The following PRKCQ variants were observed in gnomAD, a reference collection of about 807,000 sequenced individuals.
PRKCQ encodes the protein protein kinase C theta type.
In PRKCQ, 41 loss-of-function variants were observed where a neutral mutation model predicts 91.2. That is an observed-to-expected ratio of 0.45 (90% CI 0.35 to 0.58). The LOEUF (loss-of-function observed/expected upper bound fraction) is 0.58. PRKCQ is among the 20% of genes least tolerant of loss of function. The pLI is 0.00. For missense variants in PRKCQ, 673 were observed against 896.5 expected, an observed-to-expected ratio of 0.75 and a Z score of 3.18; for synonymous variants, 307 against 316.9, an observed-to-expected ratio of 0.97 and a Z score of 0.33.
chr10:6,578,777 T>G (rs1564404254), intron 1 of PRKCQ, among the ~76,000 whole-genome samples: 1 of 152,188 alleles, frequency 6.6e-6, no homozygotes, highest in African/African-American at 2.4e-5. Flanking sequence ...TCACTCTTCT[T>G]CCCGCTAGAC....
chr10:6,580,349 G>A (rs1156418385), upstream of PRKCQ: 1 of 148,772 alleles, frequency 6.7e-6, no homozygotes, highest in Non-Finnish European at 1.5e-5. Flanking sequence ...CTGCGGGTGC[G>A]CCTAGAAGGC....
the PRKCQ span, among the ~76,000 whole-genome samples, chr10:6,396,469 T>C: frequency 1.3e-5 from 2 of 152,238 alleles, no homozygotes; most frequent in Non-Finnish European, 2.9e-5. Flanking sequence ...AGGCAAACAC[T>C]AATTTACTTT....
intron 15 of PRKCQ, among the ~76,000 whole-genome samples, chr10:6,448,270 T>C (rs954238291): frequency 6.6e-6 from 1 of 152,072 alleles, no homozygotes; most frequent in East Asian, 1.9e-4. Flanking sequence ...GGTGCTGTGG[T>C]TGCACAGGGA....
chr10:6,524,926 A>G (rs1382237605), intron 1 of PRKCQ, among the ~76,000 whole-genome samples: 1 of 152,172 alleles, frequency 6.6e-6, no homozygotes, highest in Non-Finnish European at 1.5e-5. Context: ...TCCACCACGG[A>G]GTTCAGCCAG....
At chr10:6,535,063 G>A (rs184807360) in intron 1 of PRKCQ, among the ~76,000 whole-genome samples, 1 of 152,158 alleles carries the variant, frequency 6.6e-6, no homozygotes, top group Admixed American at 6.5e-5. Context: ...GATGTGTACA[G>A]AAATTAACAC....
chr10:6,500,406 T>C (rs1837840083), intron 4 of PRKCQ, among the ~76,000 whole-genome samples: 1 of 151,366 alleles, frequency 6.6e-6, no homozygotes, highest in African/African-American at 2.4e-5. Context: ...TTTATACATA[T>C]ATCTATACAT....
intron 1 of PRKCQ, among the ~76,000 whole-genome samples, chr10:6,522,709 C>G (rs1432254733): frequency 2.0e-5 from 3 of 152,176 alleles, no homozygotes; most frequent in Non-Finnish European, 4.4e-5. Context: ...GGAGATGGCT[C>G]AGTGTTGGGG....
chr10:6,459,151 A>G (rs1354362034), intron 14 of PRKCQ, among the ~76,000 whole-genome samples: 2 of 152,136 alleles, frequency 1.3e-5, no homozygotes, highest in Non-Finnish European at 2.9e-5. Flanking sequence ...CCACTCTAAA[A>G]AGTCTACCTT....
rs755469467 is a variant in PRKCQ at position 6,491,831 on chromosome 10, G to T, written c.661-19C>A. 14 of 1,614,142 alleles carry T rather than the reference G, an allele frequency of 8.7e-6. No homozygotes were observed. Among genetic ancestry groups the T allele is most frequent in the Non-Finnish European group, 1.2e-5 (14 of 1,179,980 alleles). On this transcript the variant is annotated intron_variant, in intron 7 of 17. Coordinates refer to ENST00000263125, the MANE Select transcript of PRKCQ (RefSeq NM_006257.5). Reference sequence around the variant, plus strand: ...TGTGGAACTGAAAGAAAGGCAGAAGGTGAAATCTGTGTATTCCTGGGGCCC... The same window carrying T: ...TGTGGAACTGAAAGAAAGGCAGAAGTTGAAATCTGTGTATTCCTGGGGCCC...
At chr10:6,510,027 G>T (rs1222422379) in intron 3 of PRKCQ, among the ~76,000 whole-genome samples, 1 of 152,056 alleles carries the variant, frequency 6.6e-6, no homozygotes, top group Non-Finnish European at 1.5e-5. Flanking sequence ...CTTTTGGGTG[G>T]ATTTCTTAAA....
chr10:6,534,803 T>G (rs1014771916), intron 1 of PRKCQ, among the ~76,000 whole-genome samples: 42 of 144,704 alleles, frequency 2.9e-4, no homozygotes, highest in South Asian at 4.2e-4. Context: ...GATATATATA[T>G]ATATATATAA....
intron 4 of PRKCQ, 84 bp from the exon 5 acceptor site, chr10:6,498,642 G>A (rs1448405921): frequency 4.3e-6 from 6 of 1,401,878 alleles, no homozygotes; most frequent in Non-Finnish European, 4.9e-6. Flanking sequence ...GGAGGGAGAT[G>A]GGCAAGGGAT....
the PRKCQ span, among the ~76,000 whole-genome samples, chr10:6,395,104 C>G: frequency 1.4e-5 from 2 of 140,098 alleles, no homozygotes; most frequent in Non-Finnish European, 3.0e-5. Context: ...GCTCTGTCTC[C>G]CAGGCTGGAG....
chr10:6,437,690 C>T (rs559089148), intron 16 of PRKCQ, among the ~76,000 whole-genome samples: 60 of 152,052 alleles, frequency 3.9e-4, no homozygotes, highest in South Asian at 3.9e-3. Context: ...CTTGCTCTGT[C>T]GCCCAGGCTG....
intron 1 of PRKCQ, among the ~76,000 whole-genome samples, chr10:6,524,558 T>C (rs916430685): frequency 3.9e-5 from 6 of 152,176 alleles, no homozygotes; most frequent in African/African-American, 4.8e-5. Flanking sequence ...CCAGAATCTA[T>C]AGAATTAATA....
intron 8 of PRKCQ, among the ~76,000 whole-genome samples, chr10:6,489,673 A>C (rs932478729): frequency 2.0e-5 from 3 of 151,242 alleles, no homozygotes; most frequent in Non-Finnish European, 3.0e-5. Context: ...GGGACCCGGG[A>C]GTGTCAGAAG....
chr10:6,418,692 A>G, the PRKCQ span, among the ~76,000 whole-genome samples: 49 of 152,242 alleles, frequency 3.2e-4, no homozygotes, highest in African/African-American at 1.2e-3. Flanking sequence ...AAAACCCTCT[A>G]AATGTGTCTG....
intron 12 of PRKCQ, among the ~76,000 whole-genome samples, chr10:6,477,344 T>C (rs1189754723): frequency 6.6e-6 from 1 of 152,226 alleles, no homozygotes; most frequent in Non-Finnish European, 1.5e-5. Context: ...AGTAAGTGCT[T>C]TGCCATGGTC....
chr10:6,405,259 A>G, the PRKCQ span, among the ~76,000 whole-genome samples: 1 of 152,200 alleles, frequency 6.6e-6, no homozygotes, highest in Non-Finnish European at 1.5e-5. Context: ...TTGGGATTAC[A>G]GGCGTGAGCC....
Sources: allele counts gnomAD v4.1 joint callset (sites outside exome capture counted in the v4.1 genomes callset), GRCh38; gene constraint gnomAD v4.1.1; transcripts MANE v1.5; gene names NCBI Gene and HGNC (gene_info 2026-07-23, HGNC 2026-07-21).